Variants in ADAMTS12 observed in about 807,000 individuals in gnomAD.
ADAMTS12 encodes the protein A disintegrin and metalloproteinase with thrombospondin motifs 12.
In ADAMTS12, 118 loss-of-function variants were observed where a neutral mutation model predicts 167.8. That is an observed-to-expected ratio of 0.70 (90% CI 0.61 to 0.82). The LOEUF (loss-of-function observed/expected upper bound fraction) is 0.82, where lower values mean the gene tolerates loss of function less well. Among genes scored for constraint, ADAMTS12 ranks in the 40% least tolerant of loss-of-function variants. ADAMTS12 has a pLI of 0.00. For missense variants in ADAMTS12, 1,916 were observed against 1,998.8 expected (o/e 0.96, Z 0.79); for synonymous variants, 704 against 716.9 (o/e 0.98, Z 0.29).
chr5:33,564,572 T>C (rs894390397), intron 19 of ADAMTS12, among the ~76,000 whole-genome samples: 1 of 152,098 alleles, frequency 6.6e-6, no homozygotes, highest in Admixed American at 6.6e-5. Context: ...GTGGAAAAGA[T>C]AGGAGAAGGG....
intron 2 of ADAMTS12, among the ~76,000 whole-genome samples, chr5:33,789,660 G>A (rs1199548165): frequency 1.3e-5 from 2 of 152,198 alleles, no homozygotes; most frequent in African/African-American, 4.8e-5. Flanking sequence ...TCAGTGCTTT[G>A]ATAGAAACAC....
chr5:33,825,917 G>A (rs1049108056), intron 2 of ADAMTS12, among the ~76,000 whole-genome samples: 1 of 152,144 alleles, frequency 6.6e-6, no homozygotes, highest in African/African-American at 2.4e-5. Context: ...CTAGAATCAA[G>A]TTTGGTCTAG....
intron 7 of ADAMTS12, among the ~76,000 whole-genome samples, chr5:33,655,700 T>A (rs1397539469): frequency 6.6e-6 from 1 of 151,862 alleles, no homozygotes; most frequent in African/African-American, 2.4e-5. Context: ...GCAGGTTTGT[T>A]ACATAAGTAT....
chr5:33,713,617 T>C (rs1413203890), intron 3 of ADAMTS12, among the ~76,000 whole-genome samples: 1 of 151,912 alleles, frequency 6.6e-6, no homozygotes, highest in East Asian at 1.9e-4. Context: ...GATGGCCAGA[T>C]GACTTAAATC....
intron 20 of ADAMTS12, among the ~76,000 whole-genome samples, chr5:33,557,655 G>A (rs1745545396): frequency 6.6e-6 from 1 of 151,978 alleles, no homozygotes; most frequent in South Asian, 2.1e-4. Flanking sequence ...AGAAAAAGGG[G>A]TCTCAATAAT....
intron 12 of ADAMTS12, among the ~76,000 whole-genome samples, chr5:33,635,237 C>G (rs1740134673): frequency 6.6e-6 from 1 of 152,056 alleles, no homozygotes; most frequent in African/African-American, 2.4e-5. Context: ...ATAAACTGAG[C>G]CTTAATCATA....
At chr5:33,841,808 C>T (rs1663169354) in intron 2 of ADAMTS12, among the ~76,000 whole-genome samples, 1 of 152,202 alleles carries the variant, frequency 6.6e-6, no homozygotes, top group Admixed American at 6.5e-5. Context: ...CTAGATGCTA[C>T]CAAGCAGTCC....
intron 5 of ADAMTS12, among the ~76,000 whole-genome samples, chr5:33,678,047 G>A (rs1411602154): frequency 6.6e-6 from 1 of 152,078 alleles, no homozygotes; most frequent in Non-Finnish European, 1.5e-5. Context: ...GATTTATTTA[G>A]AATAAGAACG....
At chr5:33,655,314 A>G (rs1741012933) in intron 7 of ADAMTS12, among the ~76,000 whole-genome samples, 1 of 152,108 alleles carries the variant, frequency 6.6e-6, no homozygotes, top group African/African-American at 2.4e-5. Flanking sequence ...AGTATCAAGG[A>G]ATTATTAATA....
intron 2 of ADAMTS12, among the ~76,000 whole-genome samples, chr5:33,771,844 T>C (rs1745751307): frequency 6.6e-6 from 1 of 151,806 alleles, no homozygotes; most frequent in African/African-American, 2.4e-5. Flanking sequence ...CTTTCTTTTT[T>C]TTTTTTGACA....
At chr5:33,630,953 T>G in intron 12 of ADAMTS12, 40 bp from the exon 13 acceptor site, 2 of 1,601,572 alleles carry the variant, frequency 1.2e-6, no homozygotes, top group Non-Finnish European at 1.7e-6. Context: ...CAAATTAGCT[T>G]TTAGCTCAGC....
chr5:33,805,074 A>G (rs1747170720), intron 2 of ADAMTS12, among the ~76,000 whole-genome samples: 1 of 152,198 alleles, frequency 6.6e-6, no homozygotes, highest in African/African-American at 2.4e-5. Flanking sequence ...ATTCCAGTCT[A>G]CTCAGTGTGA....
chr5:33,837,884 T>C (rs1244860976), intron 2 of ADAMTS12, among the ~76,000 whole-genome samples: 1 of 152,236 alleles, frequency 6.6e-6, no homozygotes, highest in Non-Finnish European at 1.5e-5. Flanking sequence ...CCTGCCTTTC[T>C]GAAAACGTAC....
chr5:33,891,510 G>A (rs1349233597), intron 1 of ADAMTS12: 8 of 596,260 alleles, frequency 1.3e-5, no homozygotes, highest in Middle Eastern at 4.6e-4. Context: ...AAAAGAGTGA[G>A]GTACTCACCT....
intron 5 of ADAMTS12, among the ~76,000 whole-genome samples, chr5:33,674,802 A>G (rs545150701): frequency 1.5e-3 from 227 of 152,248 alleles, no homozygotes; most frequent in Non-Finnish European, 2.5e-3. Flanking sequence ...TGGCAGACTA[A>G]CTTGTTAGCT....
At chr5:33,749,301 A>G (rs2112386960) in intron 3 of ADAMTS12, among the ~76,000 whole-genome samples, 1 of 152,298 alleles carries the variant, frequency 6.6e-6, no homozygotes, top group East Asian at 1.9e-4. Flanking sequence ...GAGGCCGTAT[A>G]AAGCTTCAGG....
intron 19 of ADAMTS12, among the ~76,000 whole-genome samples, chr5:33,563,027 G>T (rs534209191): frequency 5.3e-5 from 8 of 152,096 alleles, no homozygotes; most frequent in African/African-American, 1.7e-4. Flanking sequence ...ATAATCTGTA[G>T]ATCACAGAAA....
At chr5:33,648,988 T>A in intron 8 of ADAMTS12, 22 bp from the exon 9 acceptor site, 26 of 1,611,738 alleles carry the variant, frequency 1.6e-5, no homozygotes, top group Non-Finnish European at 2.2e-5. Context: ...TTAACAGAAA[T>A]GAGAGGAGTT....
chr5:33,627,110 TGTG>T (rs915331373), intron 13 of ADAMTS12, among the ~76,000 whole-genome samples: 83 of 111,752 alleles, frequency 7.4e-4, no homozygotes, highest in African/African-American at 2.4e-3. Flanking sequence ...TGATGATGGT[TGTG>T]GTGGTGGTGG....
Sources: allele counts gnomAD v4.1 joint callset (sites outside exome capture counted in the v4.1 genomes callset), GRCh38; gene constraint gnomAD v4.1.1; transcripts MANE v1.5; gene names NCBI Gene and HGNC (gene_info 2026-07-23, HGNC 2026-07-21).